Variants in NCAM1 observed in about 807,000 individuals in gnomAD.
NCAM1 encodes the protein antigen recognized by monoclonal antibody 5.1H11.
NCAM1 carries 14 observed loss-of-function variants against 109.8 expected under a neutral mutation model. The ratio of observed to expected loss-of-function variants is 0.13; its 90% CI spans 0.08 to 0.20. The LOEUF (loss-of-function observed/expected upper bound fraction) is 0.20, where lower values mean the gene tolerates loss of function less well. Ranked by LOEUF, NCAM1 falls within the 10% of genes least tolerant of loss-of-function variation. NCAM1 has a pLI of 1.00. For synonymous variants in NCAM1, 418 were observed against 442.9 expected (o/e 0.94, Z 0.70); for missense variants, 774 against 1,109.9 (o/e 0.70, Z 4.30).
chr11:112,993,167 T>C (rs782418268), intron 1 of NCAM1, among the ~76,000 whole-genome samples: 2 of 152,214 alleles, frequency 1.3e-5, no homozygotes, highest in Non-Finnish European at 2.9e-5. Flanking sequence ...GAGGTTTAAT[T>C]GGCTCATGGT....
At chr11:113,264,572 C>G in intron 17 of NCAM1, 4 of 985,550 alleles carry the variant, frequency 4.1e-6, no homozygotes, top group Non-Finnish European at 4.8e-6. Context: ...GCTACTGGCT[C>G]TTAGGATCAC....
chr11:113,163,813 G>A (rs1205715121), intron 1 of NCAM1, among the ~76,000 whole-genome samples: 2 of 152,194 alleles, frequency 1.3e-5, no homozygotes, highest in African/African-American at 4.8e-5. Context: ...TATGCCCAGT[G>A]CTGCGGGTGC....
intron 15 of NCAM1, among the ~76,000 whole-genome samples, chr11:113,247,114 G>A (rs1163713197): frequency 3.3e-5 from 5 of 152,108 alleles, no homozygotes; most frequent in South Asian, 2.1e-4. Context: ...AGTGCATAGC[G>A]GTGACAAAAT....
chr11:113,217,732 G>A (rs554524399), intron 8 of NCAM1, among the ~76,000 whole-genome samples: 14 of 152,258 alleles, frequency 9.2e-5, no homozygotes, highest in East Asian at 3.9e-4. Context: ...TTGGTTAACC[G>A]ATATTGCAGA....
intron 1 of NCAM1, among the ~76,000 whole-genome samples, chr11:113,071,089 A>G (rs1938239901): frequency 1.3e-5 from 2 of 152,186 alleles, no homozygotes; most frequent in African/African-American, 2.4e-5. Flanking sequence ...AGCAAGCCCT[A>G]CGGTGAAAAG....
rs375525449 is a variant in NCAM1 at position 113,235,089 on chromosome 11, G to C, written c.1750G>C (p.Val584Leu). ...VGLKPETTYAVRLAALNGKGL... is the reference protein window; with the variant it reads ...VGLKPETTYALRLAALNGKGL... The stretch of plus-strand genomic sequence containing the variant: ...CCTGAAGCCCGAAACAACGTACGCC[G>C]TAAGGCTGGCGGCGCTCAATGGCAA... The change falls in exon 14 of 20, where the codon GTA becomes CTA. Residue 584 changes from valine to leucine, a missense_variant. Val to Leu is a conservative substitution (Grantham distance 32). Transcript: ENST00000316851. The C allele has an allele frequency of 6.2e-7, 1 of 1,600,060 alleles. No individual in the cohort carries two copies. Among genetic ancestry groups the C allele is most frequent in the South Asian group, 1.1e-5 (1 of 89,046 alleles).
intron 8 of NCAM1, 84 bp from the exon 9 acceptor site, chr11:113,221,212 A>G (rs1555115236): frequency 7.4e-7 from 1 of 1,357,248 alleles, no homozygotes; most frequent in Non-Finnish European, 1.0e-6. Flanking sequence ...ATGTGCACGG[A>G]ATGCAGTGTG....
At chr11:113,186,930 G>A (rs1555108983) in intron 1 of NCAM1, among the ~76,000 whole-genome samples, 1 of 152,218 alleles carries the variant, frequency 6.6e-6, no homozygotes. Context: ...CTCCTTAGGG[G>A]ACATGAGTGA....
intron 1 of NCAM1, among the ~76,000 whole-genome samples, chr11:113,170,698 G>A (rs1223392143): frequency 6.6e-6 from 1 of 151,980 alleles, no homozygotes; most frequent in East Asian, 1.9e-4. Context: ...TGTCTCCCTG[G>A]CCTAGTTGGT....
At chr11:113,169,301 G>A (rs574613308) in intron 1 of NCAM1, among the ~76,000 whole-genome samples, 1 of 152,258 alleles carries the variant, frequency 6.6e-6, no homozygotes, top group East Asian at 1.9e-4. Context: ...GGAACAATTA[G>A]GGTTGAACTC....
chr11:113,109,076 G>T (rs1331639772), intron 1 of NCAM1, among the ~76,000 whole-genome samples: 3 of 150,976 alleles, frequency 2.0e-5, no homozygotes, highest in Non-Finnish European at 4.4e-5. Context: ...GGCCGGGTGC[G>T]GTGGCTCATG....
intron 1 of NCAM1, among the ~76,000 whole-genome samples, chr11:113,148,138 G>A (rs1320801012): frequency 6.6e-6 from 1 of 152,140 alleles, no homozygotes; most frequent in Non-Finnish European, 1.5e-5. Context: ...CTGAGGAGAA[G>A]CCCGACCTAG....
Position 113,235,002 on chromosome 11 carries a change from C to T in NCAM1, c.1694-31C>T, listed in dbSNP as rs782726977. The T allele has an allele frequency of 3.5e-5, 54 of 1,533,410 alleles. No homozygotes were observed. The Admixed American group carries it at 9.6e-4, about 27-fold the overall frequency. 95.0% of individuals were successfully genotyped at this position (1,533,410 alleles called of 1,614,324 possible). A position where few individuals can be genotyped will look rare whatever the true frequency, so the allele number is the denominator to read the frequency against. ...GCGGCTGCACCATTTTAACAATAGA[C>T]TCTTTTGTCATCCTTCCCATATTAT... On this transcript the variant is annotated intron_variant, in intron 13 of 19. Coordinates refer to ENST00000316851, the MANE Select transcript of NCAM1 (RefSeq NM_181351.5).
chr11:113,084,687 A>T (rs1938998105), intron 1 of NCAM1, among the ~76,000 whole-genome samples: 1 of 152,154 alleles, frequency 6.6e-6, no homozygotes, highest in Non-Finnish European at 1.5e-5. Flanking sequence ...GGTTATCCTG[A>T]TGTCTGCATG....
intron 14 of NCAM1, among the ~76,000 whole-genome samples, chr11:113,238,587 G>T (rs1428525198): frequency 1.3e-5 from 2 of 152,280 alleles, no homozygotes; most frequent in South Asian, 2.1e-4. Flanking sequence ...CTGAGGACGA[G>T]CCTTAGGAAG....
intron 1 of NCAM1, among the ~76,000 whole-genome samples, chr11:113,064,911 A>G (rs1937875989): frequency 6.6e-6 from 1 of 152,354 alleles, no homozygotes; most frequent in Middle Eastern, 3.4e-3. Flanking sequence ...TACACAGGTT[A>G]GTATACATAC....
intron 1 of NCAM1, among the ~76,000 whole-genome samples, chr11:113,091,642 T>A (rs185112549): frequency 5.9e-5 from 9 of 152,170 alleles, no homozygotes; most frequent in Admixed American, 5.9e-4. Flanking sequence ...GCATGACTCA[T>A]AAAGGAAGCA....
intron 1 of NCAM1, among the ~76,000 whole-genome samples, chr11:113,065,533 T>C (rs557428236): frequency 6.6e-6 from 1 of 152,306 alleles, no homozygotes; most frequent in South Asian, 2.1e-4. Context: ...AGACTTGAGA[T>C]GATGCAATGA....
At chr11:113,090,510 A>G (rs566399980) in intron 1 of NCAM1, among the ~76,000 whole-genome samples, 3 of 152,328 alleles carry the variant, frequency 2.0e-5, no homozygotes, top group African/African-American at 7.2e-5. Flanking sequence ...AAGGCCAAAG[A>G]AGTAATGATA....
Sources: gnomAD v4.1 joint callset for allele counts (sites outside exome capture counted in the v4.1 genomes callset) on GRCh38, gnomAD v4.1.1 for gene constraint, MANE v1.5 for transcripts, NCBI Gene and HGNC (gene_info 2026-07-23, HGNC 2026-07-21) for gene names.